IGSF9B: variants seen among roughly 807,000 people sequenced by gnomAD.
IGSF9B encodes protein turtle homolog B.
In IGSF9B, 48 loss-of-function variants were observed where a neutral mutation model predicts 143.7. That is an observed-to-expected ratio of 0.33 (90% CI 0.26 to 0.42). IGSF9B has a LOEUF of 0.42. Among genes scored for constraint, IGSF9B ranks in the 20% least tolerant of loss-of-function variants. IGSF9B has a pLI of 1.00. For synonymous variants in IGSF9B, 903 were observed against 833.1 expected (o/e 1.08, Z -1.44); for missense variants, 1,706 against 1,980.0 (o/e 0.86, Z 2.63).
intron 18 of IGSF9B, among the ~76,000 whole-genome samples, chr11:133,915,575 A>G (rs1383228218): frequency 6.6e-6 from 1 of 152,112 alleles, no homozygotes; most frequent in Non-Finnish European, 1.5e-5. Context: ...AATCCATACA[A>G]AACCCAAATC....
intron 5 of IGSF9B, 87 bp from the exon 6 acceptor site, chr11:133,936,281 GA>G: frequency 7.8e-7 from 1 of 1,276,834 alleles, no homozygotes; most frequent in Non-Finnish European, 1.1e-6. Flanking sequence ...AGTGCCTCAG[GA>G]AGCGGTGCCC....
At chr11:133,932,258 G>A in intron 7 of IGSF9B, 45 bp from the exon 8 acceptor site, 1 of 1,484,050 alleles carries the variant, frequency 6.7e-7, no homozygotes, top group South Asian at 1.2e-5. Context: ...GACAGACACA[G>A]GGACAGACAG....
chr11:133,938,343 C>A (rs1939863604), intron 3 of IGSF9B, among the ~76,000 whole-genome samples: 1 of 152,204 alleles, frequency 6.6e-6, no homozygotes, highest in Non-Finnish European at 1.5e-5. Flanking sequence ...CCCAGCTCAG[C>A]CAGGCCCCCG....
chr11:133,922,187 G>C lies in IGSF9B; in HGVS notation c.2317C>G (p.Leu773Val). The change falls in exon 17 of 20, where the codon CTG (leucine) becomes GTG (valine). Residue 773 changes from leucine (L) to valine (V), a missense_variant. Transcript: ENST00000533871. ...PLSITHCRKSLESPLSSGKVS... is the reference protein window; with the variant it reads ...PLSITHCRKSVESPLSSGKVS... The stretch of plus-strand genomic sequence containing the variant: ...ATCTGAGACACTTACGGAGACTCCA[G>C]GCTCTTCCTGCAGTGGGTGATGGAG... 6.2e-7 allele frequency: 1 copy of C among 1,613,370 alleles called. No individual in the cohort carries two copies. The highest frequency in any genetic ancestry group is 8.5e-7 in the Non-Finnish European group (1 of 1,179,628).
At chr11:133,932,360 A>G (rs1591718152) in intron 7 of IGSF9B, 147 bp from the exon 8 acceptor site, 2 of 782,592 alleles carry the variant, frequency 2.6e-6, no homozygotes, top group East Asian at 5.7e-5. Context: ...AGACACAGGG[A>G]CAGACAGACA....
rs1321238812 is a variant in IGSF9B at position 133,905,016 on chromosome 11, G to A, written c.*4053C>T. Among the ~76,000 whole-genome samples the A allele has an allele frequency of 6.6e-6, 1 of 150,522 alleles. No individual in the cohort carries two copies. The highest frequency in any genetic ancestry group is 1.5e-5 in the Non-Finnish European group (1 of 67,810). ...CTGGGTTAGAAGCCCCGGTGGGAAT[G>A]TGCACAGCTCCTAGAGTACCACAGA... is the stretch of plus-strand genomic sequence containing the variant. On this transcript the variant is annotated 3_prime_UTR_variant, in exon 20 of 20. Coordinates refer to ENST00000533871, the MANE Select transcript of IGSF9B (RefSeq NM_001277285.4). The surrounding 1 kb of genome is among the most constrained non-coding windows in gnomAD (Gnocchi z 4.0).
intron 7 of IGSF9B, among the ~76,000 whole-genome samples, chr11:133,934,334 G>C (rs1939784809): frequency 6.6e-6 from 1 of 152,234 alleles, no homozygotes; most frequent in Admixed American, 6.5e-5. Flanking sequence ...CCTGCGTCCA[G>C]CACAGAGGGA....
chr11:133,914,836 C>T (rs972939736), intron 18 of IGSF9B, among the ~76,000 whole-genome samples: 23 of 152,170 alleles, frequency 1.5e-4, no homozygotes, highest in Admixed American at 1.1e-3. Context: ...ACCAACAGCA[C>T]GTAAAGCCCT....
In IGSF9B at chr11:133,907,691, G is replaced by A. The variant is rs1166608194; in HGVS notation, c.*1378C>T. Among the ~76,000 whole-genome samples, 2 of 152,200 alleles carry A rather than the reference G, an allele frequency of 1.3e-5. No homozygotes were observed. The highest frequency in any genetic ancestry group is 4.8e-5 in the African/African-American group (2 of 41,448). On this transcript the variant is annotated 3_prime_UTR_variant, in exon 20 of 20. Coordinates refer to ENST00000533871, the MANE Select transcript of IGSF9B (RefSeq NM_001277285.4). ...TGAACCAGGACCAGACTTTGGCAGA[G>A]GAAGAGTCAGTGCCCAGACCCTACT...
At chr11:133,954,457 C>A (rs967006361) in intron 1 of IGSF9B, among the ~76,000 whole-genome samples, 4 of 152,120 alleles carry the variant, frequency 2.6e-5, no homozygotes, top group African/African-American at 7.2e-5. Context: ...ATTCTCAGCT[C>A]CTAGTGCCCT....
intron 15 of IGSF9B, among the ~76,000 whole-genome samples, chr11:133,923,770 T>G (rs1159193427): frequency 6.6e-6 from 1 of 152,238 alleles, no homozygotes; most frequent in African/African-American, 2.4e-5. Flanking sequence ...TGGAAGTGTC[T>G]GACGAGGCAC....
intron 2 of IGSF9B, among the ~76,000 whole-genome samples, chr11:133,944,734 A>G (rs978065869): frequency 1.3e-5 from 2 of 152,212 alleles, no homozygotes; most frequent in Non-Finnish European, 2.9e-5. Context: ...AGAGAATGAA[A>G]AAGTGCCAAC....
At chr11:133,947,688 G>C (rs1940078679) in intron 1 of IGSF9B, among the ~76,000 whole-genome samples, 1 of 139,116 alleles carries the variant, frequency 7.2e-6, no homozygotes, top group African/African-American at 2.6e-5. Flanking sequence ...ACACACACAT[G>C]CTGGGCTCCT....
At position 133,912,597 on chromosome 11, in the gene IGSF9B, T is replaced by C. The variant is rs940964797; in HGVS notation, c.3984-590A>G. Among the ~76,000 whole-genome samples the C allele has an allele frequency of 4.6e-5, 7 of 152,272 alleles. No individual in the cohort carries two copies. In the South Asian group the frequency reaches 8.3e-4, roughly 18 times the overall value. ...AGCTAACAACAACAAATACTTGTCA[T>C]ATACCAACATTTTCAGGGCAGTGTC... On this transcript the variant is annotated intron_variant, in intron 18 of 19. Coordinates refer to ENST00000533871, the MANE Select transcript of IGSF9B (RefSeq NM_001277285.4).
intron 3 of IGSF9B, among the ~76,000 whole-genome samples, chr11:133,940,681 G>A (rs1939936839): frequency 2.1e-5 from 3 of 139,606 alleles, no homozygotes; most frequent in South Asian, 4.6e-4. Flanking sequence ...GTCCTCGCAC[G>A]TGTCATCACA....
chr11:133,906,392 G>A lies in IGSF9B; in HGVS notation c.*2677C>T, dbSNP rs941801332. Among the ~76,000 whole-genome samples the A allele has an allele frequency of 2.6e-5, 4 of 151,646 alleles. No homozygotes were observed. The highest frequency in any genetic ancestry group is 5.9e-5 in the Non-Finnish European group (4 of 68,040). On this transcript the variant is annotated 3_prime_UTR_variant, in exon 20 of 20. Transcript: ENST00000533871. ...TCCGAGGACACTGTCACAGGAGGAA[G>A]CCCTCAGGGGAGCTGAATGAGTGGC...
chr11:133,938,143 C>G (rs73034263), intron 3 of IGSF9B, 182 bp from the exon 4 acceptor site: 111,346 of 641,324 alleles, frequency 0.17, 11,727 homozygotes, highest in Non-Finnish European at 0.21. Context: ...GACCTGCATC[C>G]AAACTCAGGC....
intron 3 of IGSF9B, among the ~76,000 whole-genome samples, chr11:133,939,940 AAAAC>A (rs1430313477): frequency 3.8e-5 from 5 of 132,448 alleles, no homozygotes; most frequent in African/African-American, 1.2e-4. Flanking sequence ...ATCACATGCA[AAAAC>A]ACACACCTCG....
At chr11:133,938,117 A>G (rs1939859673) in intron 3 of IGSF9B, 156 bp from the exon 4 acceptor site, 2 of 775,196 alleles carry the variant, frequency 2.6e-6, no homozygotes, top group Non-Finnish European at 4.1e-6. Context: ...CTGCCTACCA[A>G]CATCACTGGC....
Sources: allele counts gnomAD v4.1 joint callset (sites outside exome capture counted in the v4.1 genomes callset), GRCh38; gene constraint gnomAD v4.1.1; non-coding constraint Gnocchi (gnomAD v3.1); transcripts MANE v1.5; gene names NCBI Gene and HGNC (gene_info 2026-07-23, HGNC 2026-07-21).